SACS: variants seen among roughly 807,000 people sequenced by gnomAD.
SACS encodes the protein sacsin molecular chaperone.
A neutral mutation model predicts 348.0 loss-of-function variants in SACS; 197 were observed. That is an observed-to-expected ratio of 0.57 (90% CI 0.50 to 0.64). The LOEUF (loss-of-function observed/expected upper bound fraction) is 0.64. Ranked by LOEUF, SACS falls within the 30% of genes least tolerant of loss-of-function variation. The pLI is 0.00. For synonymous variants in SACS, 1,985 were observed against 1,910.6 expected, an observed-to-expected ratio of 1.04 and a Z score of -1.02; for missense variants, 4,999 against 5,360.8, an observed-to-expected ratio of 0.93 and a Z score of 2.11.
In SACS at chr13:23,430,207, C is replaced by A. The variant is rs76092502; in HGVS notation, c.-502+3408G>T. On this transcript the variant is annotated intron_variant, in intron 1 of 9. Transcript: ENST00000382292. The stretch of plus-strand genomic sequence containing the variant: ...TGGGTGACAGAGTTAGACAACATCT[C>A]AAAAAAAAAAAATTAATAAATAAAA... Among the ~76,000 whole-genome samples the A allele has an allele frequency of 6.8e-3, 934 of 138,302 alleles. 8 individuals are homozygous for A. Among genetic ancestry groups the A allele is most frequent in the African/African-American group, 0.019 (727 of 37,878 alleles). 90.7% of individuals were successfully genotyped at this position (138,302 alleles called of 152,430 possible).
intron 3 of SACS, chr13:23,374,119 A>G (rs1335798401): frequency 6.6e-6 from 1 of 152,276 alleles, no homozygotes; most frequent in Non-Finnish European, 1.5e-5. Flanking sequence ...GTAAAAATAA[A>G]TAATAAAGAC....
chr13:23,388,306 C>T (rs1443424553), intron 2 of SACS, among the ~76,000 whole-genome samples: 40 of 137,102 alleles, frequency 2.9e-4, no homozygotes, highest in African/African-American at 1.0e-3. Context: ...TGCACTCCAG[C>T]GTGGGTGACA....
At position 23,329,199 on chromosome 13, in the gene SACS, G is replaced by C. The variant is rs1430703192; in HGVS notation, c.*937C>G. 4 of 443,214 alleles carry C rather than the reference G, an allele frequency of 9.0e-6. No individual in the cohort carries two copies. Among genetic ancestry groups the C allele is most frequent in the East Asian group, 3.8e-5 (1 of 26,632 alleles). 27.5% of individuals were successfully genotyped at this position (443,214 alleles called of 1,614,324 possible). A position where few individuals can be genotyped will look rare whatever the true frequency, so the allele number is the denominator to read the frequency against. On this transcript the variant is annotated 3_prime_UTR_variant, in exon 10 of 10. Coordinates refer to ENST00000382292, the MANE Select transcript of SACS (RefSeq NM_014363.6). Reference sequence around the variant, plus strand: ...TAACACAATGATTTTAACAATTTTTGATGTTTTTAAAGTTAAAAAAACTCC... The same window carrying C: ...TAACACAATGATTTTAACAATTTTTCATGTTTTTAAAGTTAAAAAAACTCC...
At position 23,337,221 on chromosome 13, in the gene SACS, G is replaced by C. The variant is rs1443155249; in HGVS notation, c.6655C>G (p.Leu2219Val). ...KYQTIRFLPF[L>V]TKPAGFSLDW... Reference sequence around the variant, plus strand: ...AAAGAAAAACCTGCTGGTTTTGTCAGAAATGGAAGGAAGCGGATTGTTTGA... The same window carrying C: ...AAAGAAAAACCTGCTGGTTTTGTCACAAATGGAAGGAAGCGGATTGTTTGA... Residue 2219 changes from leucine (L) to valine (V), a missense_variant, in exon 10 of 10, where the codon CTG (leucine) becomes GTG (valine). Transcript: ENST00000382292. 6.2e-7 allele frequency: 1 copy of C among 1,613,920 alleles called. No homozygotes were observed. Among genetic ancestry groups the C allele is most frequent in the East Asian group, 2.2e-5 (1 of 44,866 alleles).
At position 23,422,969 on chromosome 13, in the gene SACS, C is replaced by G. The variant is rs184546019; in HGVS notation, c.-502+10646G>C. On this transcript the variant is annotated intron_variant, in intron 1 of 9. Transcript: ENST00000382292. The stretch of plus-strand genomic sequence containing the variant: ...ATTTGTGATGTGCTTTATTATATCA[C>G]TGAATGAAATGTGAGTTTCCATTAA... Among the ~76,000 whole-genome samples the G allele has an allele frequency of 2.0e-5, 3 of 152,266 alleles. No homozygotes were observed. The East Asian group carries it at 5.8e-4, about 29-fold the overall frequency.
intron 9 of SACS, among the ~76,000 whole-genome samples, chr13:23,348,942 T>C (rs979062326): frequency 6.6e-6 from 1 of 152,120 alleles, no homozygotes; most frequent in African/African-American, 2.4e-5. Flanking sequence ...CAAGTGCTTG[T>C]ATAATTAGAA....
rs996968238 is a variant in SACS, at chr13:23,330,497, G to T, written c.13379C>A (p.Ala4460Asp). 6.2e-7 allele frequency: 1 copy of T among 1,614,184 alleles called. No individual in the cohort carries two copies. Among genetic ancestry groups the T allele is most frequent in the Non-Finnish European group, 8.5e-7 (1 of 1,180,020 alleles). The change falls in exon 10 of 10, where the codon GCT (alanine) becomes GAT (aspartate). Residue 4460 changes from alanine to aspartate, a missense_variant. By Grantham distance (126) the Ala-to-Asp change is moderately radical (BLOSUM62 -2). This residue lies in a region of SACS where 254 missense variants were observed against 275.1 expected (regional missense o/e 0.92). Transcript: ENST00000382292. ...WLRQARANFS[A>D]ARNDLHKNAN... ...ATTTTTATGAAGGTCATTCCTGGCA[G>T]CTGAGAAGTTTGCTCTGGCTTGTCT...
chr13:23,374,881 A>C (rs1050693492), intron 3 of SACS, among the ~76,000 whole-genome samples: 1 of 152,246 alleles, frequency 6.6e-6, no homozygotes, highest in Non-Finnish European at 1.5e-5. Flanking sequence ...CACCAAAAAA[A>C]ATCTCTGAAT....
intron 2 of SACS, among the ~76,000 whole-genome samples, chr13:23,377,889 C>T (rs146485646): frequency 4.8e-4 from 73 of 152,294 alleles, no homozygotes; most frequent in African/African-American, 1.5e-3. Flanking sequence ...AGAGTAGATC[C>T]TCCGTGGGAT....
chr13:23,389,114 A>C (rs17078682), intron 2 of SACS, among the ~76,000 whole-genome samples: 45,263 of 151,932 alleles, frequency 0.3, 6,949 homozygotes, highest in East Asian at 0.53. Flanking sequence ...AGACACACCC[A>C]TCTGTTAATT....
chr13:23,331,805 T>C lies in SACS; in HGVS notation c.12071A>G (p.Asp4024Gly), dbSNP rs1566056821. ...TTCTTCATTGGCCAGAAAAGCATTATCATTTTCATGCTTCATAATTCTAAT... is the reference window on the plus strand; with the variant it reads ...TTCTTCATTGGCCAGAAAAGCATTACCATTTTCATGCTTCATAATTCTAAT... ...GLIRIMKHENDNAFLANEEKA... is the reference protein window; with the variant it reads ...GLIRIMKHENGNAFLANEEKA... The change falls in exon 10 of 10, where the codon GAT becomes GGT. Residue 4024 changes from aspartate (D) to glycine (G), a missense_variant. Physicochemically the swap from Asp to Gly is moderately conservative, Grantham distance 94. Coordinates refer to ENST00000382292, the MANE Select transcript of SACS (RefSeq NM_014363.6). 1 of 1,614,022 alleles carries C rather than the reference T, an allele frequency of 6.2e-7. No individual in the cohort carries two copies. Among genetic ancestry groups the C allele is most frequent in the Non-Finnish European group, 8.5e-7 (1 of 1,179,938 alleles).
In SACS at chr13:23,335,734, C is replaced by T. The variant is rs530250252; in HGVS notation, c.8142G>A (p.Ser2714=). The change falls in exon 10 of 10, where the codon TCG becomes TCA. Residue 2714 remains serine (S), a synonymous_variant. Transcript: ENST00000382292. This position sits in a 1 kb window ranked among gnomAD's most constrained non-coding sequence, Gnocchi z 4.7. ...CCATTCTGTCTGATGCTGGAACAGA[C>T]GAAATTTCCGAAACTTTTGCCATTT... ...NAEMAKVSEI[S]SVPASDRMVQ... The T allele has an allele frequency of 6.8e-5, 110 of 1,614,014 alleles. No homozygotes were observed. Among genetic ancestry groups the T allele is most frequent in the Non-Finnish European group, 9.0e-5 (106 of 1,179,910 alleles).
intron 2 of SACS, among the ~76,000 whole-genome samples, chr13:23,381,220 T>C (rs1306000724): frequency 6.6e-6 from 1 of 152,206 alleles, no homozygotes; most frequent in Admixed American, 6.5e-5. Flanking sequence ...ATCAACCCTT[T>C]GCTTGAGATT....
In SACS at chr13:23,340,158, AG is replaced by A. The variant is rs749171266; in HGVS notation, c.3717del (p.Phe1240LeufsTer24). On this transcript the variant is annotated frameshift_variant, in exon 10 of 10. Transcript: ENST00000382292. LOFTEE classifies it high-confidence loss of function. ...KIVVDWYSSK[T>X]FSDEDYYQFQ... ...AATTGATAGTAGTCTTCATCACTAA[AG>A]GTTTTTGAAGAATACCAATCAACAA... 1 of 1,613,216 alleles carries A rather than the reference AG, an allele frequency of 6.2e-7. No homozygotes were observed. The highest frequency in any genetic ancestry group is 2.2e-5 in the East Asian group (1 of 44,884).
intron 2 of SACS, among the ~76,000 whole-genome samples, chr13:23,400,717 G>A (rs1265172575): frequency 6.6e-6 from 1 of 152,182 alleles, no homozygotes; most frequent in African/African-American, 2.4e-5. Flanking sequence ...ACCGCGCCCG[G>A]CCAGTCACTT....
chr13:23,411,944 G>A (rs955112424), intron 1 of SACS, among the ~76,000 whole-genome samples: 26 of 152,280 alleles, frequency 1.7e-4, no homozygotes, highest in African/African-American at 6.3e-4. Flanking sequence ...ACCAACAAAC[G>A]CACATGTGCA....
chr13:23,382,177 G>T (rs555567932), intron 2 of SACS, among the ~76,000 whole-genome samples: 49 of 152,214 alleles, frequency 3.2e-4, no homozygotes, highest in African/African-American at 1.2e-3. Context: ...TTTTTGAGAC[G>T]GAGTCTCGCT....
chr13:23,374,201 G>A (rs550095080), intron 3 of SACS: 1 of 152,356 alleles, frequency 6.6e-6, no homozygotes, highest in East Asian at 1.9e-4. Flanking sequence ...TGAATCCCCC[G>A]AGGAGCATGA....
chr13:23,332,982 T>G lies in SACS; in HGVS notation c.10894A>C (p.Ile3632Leu). The stretch of plus-strand genomic sequence containing the variant: ...AACAAATCCATTCGTTCTTGGAATA[T>G]ATGATGCAGAAGGATATCAACTGTA... ...QNTVDILLHHIFQERMDLLSG... is the reference protein window; with the variant it reads ...QNTVDILLHHLFQERMDLLSG... The change falls in exon 10 of 10, where the codon ATA becomes CTA. Residue 3632 changes from isoleucine (I) to leucine (L), a missense_variant. Around this residue, in one of 6 missense-constraint regions of SACS, gnomAD observed 831 missense variants for 941.8 expected, o/e 0.88. Transcript: ENST00000382292. The G allele has an allele frequency of 1.2e-6, 2 of 1,613,922 alleles. No individual in the cohort carries two copies. The highest frequency in any genetic ancestry group is 1.7e-6 in the Non-Finnish European group (2 of 1,179,900).
Sources: gnomAD v4.1 joint callset for allele counts (sites outside exome capture counted in the v4.1 genomes callset) on GRCh38, gnomAD v4.1.1 for gene constraint, gnomAD v4.1.1 regional missense constraint, Gnocchi (gnomAD v3.1) non-coding constraint, MANE v1.5 for transcripts, NCBI Gene and HGNC (gene_info 2026-07-23, HGNC 2026-07-21) for gene names.